Variants in FANCI observed in about 807,000 individuals in gnomAD.
The protein encoded by FANCI is Fanconi anemia group I protein.
FANCI carries 156 observed loss-of-function variants against 176.1 expected under a neutral mutation model. The ratio of observed to expected loss-of-function variants is 0.89; its 90% confidence interval spans 0.78 to 1.01. The LOEUF is 1.01. Among genes scored for constraint, FANCI ranks in the 50% least tolerant of loss-of-function variants. FANCI has a pLI of 0.00. For missense variants in FANCI, 1,678 were observed against 1,534.1 expected, an observed-to-expected ratio of 1.09 and a Z score of -1.57; for synonymous variants, 613 against 541.7, an observed-to-expected ratio of 1.13 and a Z score of -1.83.
At position 89,316,491 on chromosome 15, in the gene FANCI, G is replaced by A. The variant is rs374142489; in HGVS notation, c.*32G>A. On this transcript the variant is annotated 3_prime_UTR_variant, in exon 38 of 38. Transcript: ENST00000310775. ...TGCCTGAGTTAATGTGAACTTTGGGGCTTCTGCTTCATTTTTACCCAACAA... is the reference window on the plus strand; with the variant it reads ...TGCCTGAGTTAATGTGAACTTTGGGACTTCTGCTTCATTTTTACCCAACAA... 6.9e-6 allele frequency: 11 copies of A among 1,585,472 alleles called. No homozygotes were observed. The highest frequency in any genetic ancestry group is 6.7e-5 in the African/African-American group (5 of 74,078).
chr15:89,302,213 G>T (rs1171438623), intron 27 of FANCI, among the ~76,000 whole-genome samples: 1 of 152,170 alleles, frequency 6.6e-6, no homozygotes, highest in Non-Finnish European at 1.5e-5. Context: ...GAAGACTGTA[G>T]CCTGGGAGTA....
At chr15:89,275,642 A>T (rs1188576121) in intron 12 of FANCI, among the ~76,000 whole-genome samples, 1 of 152,142 alleles carries the variant, frequency 6.6e-6, no homozygotes, top group Non-Finnish European at 1.5e-5. Flanking sequence ...GTATCTCATT[A>T]TTCTTTTTCC....
At chr15:89,302,169 C>T (rs537372082) in intron 27 of FANCI, among the ~76,000 whole-genome samples, 10 of 152,120 alleles carry the variant, frequency 6.6e-5, no homozygotes, top group Non-Finnish European at 1.3e-4. Flanking sequence ...TGAAGCCCTG[C>T]GGTATACTCC....
intron 27 of FANCI, among the ~76,000 whole-genome samples, chr15:89,303,629 T>C (rs2054604588): frequency 6.6e-6 from 1 of 152,204 alleles, no homozygotes; most frequent in Admixed American, 6.5e-5. Flanking sequence ...CCTAAAACTT[T>C]TGGACCTCAG....
intron 2 of FANCI, among the ~76,000 whole-genome samples, chr15:89,253,045 A>C (rs1030715968): frequency 6.6e-6 from 1 of 152,218 alleles, no homozygotes; most frequent in South Asian, 2.1e-4. Flanking sequence ...GAGACTAAAC[A>C]CCACAAAAAC....
chr15:89,261,347 CTT>C (rs947888223), intron 4 of FANCI, among the ~76,000 whole-genome samples: 23 of 152,156 alleles, frequency 1.5e-4, no homozygotes, highest in African/African-American at 5.5e-4. Context: ...ACATATATCT[CTT>C]TGAAGAGCTG....
At chr15:89,256,350 G>A (rs546801868) in intron 2 of FANCI, among the ~76,000 whole-genome samples, 1 of 152,332 alleles carries the variant, frequency 6.6e-6, no homozygotes, top group African/African-American at 2.4e-5. Flanking sequence ...TGCTCTAAGG[G>A]TTATGTCAAG....
In FANCI at chr15:89,316,586, C is replaced by T; in HGVS notation, c.*127C>T. 1 of 1,122,842 alleles carries T rather than the reference C, an allele frequency of 8.9e-7. No homozygotes were observed. Among genetic ancestry groups the T allele is most frequent in the African/African-American group, 1.5e-5 (1 of 64,908 alleles). The allele number at this position is 1,122,842 out of a possible 1,614,324, so 69.6% of individuals were successfully genotyped here. ...TTGGTTCTGAACCCACTGAATTCAA[C>T]TGCACCTTCAGTTAGAAGGAATCTT... On this transcript the variant is annotated 3_prime_UTR_variant, in exon 38 of 38. Transcript: ENST00000310775.
intron 13 of FANCI, among the ~76,000 whole-genome samples, chr15:89,277,611 C>CAAAAA (rs554395033): frequency 4.1e-5 from 2 of 48,932 alleles, no homozygotes; most frequent in Non-Finnish European, 1.1e-4. Context: ...GATCCTATCT[C>CAAAAA]AAAAAAAAAA....
At chr15:89,303,605 T>C (rs1219847047) in intron 27 of FANCI, among the ~76,000 whole-genome samples, 1 of 152,220 alleles carries the variant, frequency 6.6e-6, no homozygotes, top group Non-Finnish European at 1.5e-5. Flanking sequence ...CAGAGGAAGT[T>C]CAGGTGTAAG....
intron 19 of FANCI, among the ~76,000 whole-genome samples, chr15:89,290,822 C>T (rs1392838644): frequency 4.6e-5 from 7 of 152,088 alleles, no homozygotes. Flanking sequence ...CTCTCAATGC[C>T]ATTGCTTTGT....
intron 34 of FANCI, among the ~76,000 whole-genome samples, chr15:89,310,509 C>T (rs2054912315): frequency 6.6e-6 from 1 of 152,226 alleles, no homozygotes. Context: ...CCTCCCTAGG[C>T]ATTTTCCTCC....
intron 2 of FANCI, among the ~76,000 whole-genome samples, chr15:89,248,930 G>A (rs1409563231): frequency 6.6e-6 from 1 of 152,134 alleles, no homozygotes; most frequent in Non-Finnish European, 1.5e-5. Context: ...ACTTACACCT[G>A]TAGTCCCAGC....
At chr15:89,313,967 AT>A (rs1463295335) in intron 35 of FANCI, among the ~76,000 whole-genome samples, 1 of 144,336 alleles carries the variant, frequency 6.9e-6, no homozygotes, top group Non-Finnish European at 1.5e-5. Flanking sequence ...GGGGAAAGAT[AT>A]ATAATCACAC....
At chr15:89,251,674 A>G (rs1378868421) in intron 2 of FANCI, among the ~76,000 whole-genome samples, 2 of 152,228 alleles carry the variant, frequency 1.3e-5, no homozygotes, top group African/African-American at 4.8e-5. Context: ...AGTGGGATTT[A>G]ATAGCAGGAA....
rs532427341 is a variant in FANCI at position 89,305,161 on chromosome 15, G to A, written c.3105G>A (p.Leu1035=). The change falls in exon 29 of 38, where the codon CTG becomes CTA. Residue 1035 remains leucine (L), a synonymous_variant. Transcript: ENST00000310775. The part of the protein sequence containing the change: ...CKSLMNLLFS[L]HVSYKSPVIL... ...GCTTGATGAACTTGCTCTTCAGCCT[G>A]CATGTTTCGTATAAGAGTCCTGTCA... 3 of 1,614,168 alleles carry A rather than the reference G, an allele frequency of 1.9e-6. No individual in the cohort carries two copies. The African/African-American group carries it at 4.0e-5, about 22-fold the overall frequency.
rs530089482 is a variant in FANCI, at chr15:89,299,856, A to G, written c.2693A>G (p.Lys898Arg). 2 of 1,614,134 alleles carry G rather than the reference A, an allele frequency of 1.2e-6. No individual in the cohort carries two copies. Among genetic ancestry groups the G allele is most frequent in the African/African-American group, 2.7e-5 (2 of 75,046 alleles). ...ACTTCAGTGGAAGAGTCGGGAAAGA[A>G]AGAGAAAGGAAAGAGCATCTCACTG... ...IPTSVEESGK[K>R]EKGKSISLLC... The change falls in exon 25 of 38, where the codon AAA (lysine) becomes AGA (arginine). Residue 898 changes from lysine to arginine, a missense_variant. Physicochemically the swap from Lys to Arg is conservative, Grantham distance 26 (BLOSUM62 2). Transcript: ENST00000310775.
intron 3 of FANCI, 198 bp downstream of exon 3, chr15:89,258,974 C>T: frequency 3.6e-6 from 2 of 561,454 alleles, no homozygotes; most frequent in Non-Finnish European, 6.4e-6. Context: ...AAGTGGCTAC[C>T]TGAGATTGCG....
At chr15:89,278,653 C>A (rs1245167522) in intron 13 of FANCI, 34 bp from the exon 14 acceptor site, 2 of 1,550,478 alleles carry the variant, frequency 1.3e-6, no homozygotes, top group Non-Finnish European at 1.8e-6. Flanking sequence ...TGAAGGGTCA[C>A]CCAGGAATAT....
Sources: gnomAD v4.1 joint callset for allele counts (sites outside exome capture counted in the v4.1 genomes callset) on GRCh38, gnomAD v4.1.1 for gene constraint, MANE v1.5 for transcripts, NCBI Gene and HGNC (gene_info 2026-07-23, HGNC 2026-07-21) for gene names.